ITPR1: variants seen among roughly 807,000 people sequenced by gnomAD.
The protein encoded by ITPR1 is inositol 1,4,5-trisphosphate-gated calcium channel ITPR1.
In ITPR1, 96 loss-of-function variants were observed where a neutral mutation model predicts 318.4. The observed-to-expected ratio is 0.30, with a 90% confidence interval of 0.26 to 0.36. The LOEUF is 0.36. Among genes scored for constraint, ITPR1 ranks in the 10% least tolerant of loss-of-function variants. The pLI is 1.00. For synonymous variants in ITPR1, 1,312 were observed against 1,289.9 expected, an observed-to-expected ratio of 1.02 and a Z score of -0.37; for missense variants, 2,440 against 3,460.2, an observed-to-expected ratio of 0.71 and a Z score of 7.40.
At chr3:4,603,190 G>GT (rs79661664) in intron 4 of ITPR1, among the ~76,000 whole-genome samples, 41 of 151,470 alleles carry the variant, frequency 2.7e-4, no homozygotes, top group African/African-American at 7.0e-4. Flanking sequence ...TTTTTATTTT[G>GT]TTTTTTTTAC....
intron 51 of ITPR1, among the ~76,000 whole-genome samples, chr3:4,787,559 G>A (rs939521141): frequency 1.4e-5 from 2 of 147,470 alleles, no homozygotes; most frequent in Admixed American, 6.8e-5. Flanking sequence ...AAAGCCAGGC[G>A]TGAAGGTGCG....
rs1283485332 is a variant in ITPR1, at chr3:4,639,467, C to A, written c.363C>A (p.Ile121=). 9 of 1,573,686 alleles carry A rather than the reference C, an allele frequency of 5.7e-6. No homozygotes were observed. The highest frequency in any genetic ancestry group is 1.4e-5 in the African/African-American group (1 of 73,992). The change falls in exon 6 of 62, where the codon ATC becomes ATA. Residue 121 remains isoleucine (I), a synonymous_variant. Coordinates refer to ENST00000649015, the MANE Select transcript of ITPR1 (RefSeq NM_001378452.1). The part of the protein sequence containing the change: ...LGTVIQYGNV[I]QLLHLKSNKY... The stretch of plus-strand genomic sequence containing the variant: ...CCGTAATCCAGTATGGCAATGTGAT[C>A]CAGGTAGGTCAAGGCAGCTCTTCCC...
intron 60 of ITPR1, among the ~76,000 whole-genome samples, chr3:4,823,159 G>A (rs1480109084): frequency 6.6e-6 from 1 of 152,172 alleles, no homozygotes; most frequent in South Asian, 2.1e-4. Context: ...TGAATAAGTG[G>A]TGAATTCATT....
At chr3:4,660,110 A>G (rs754048100) in intron 13 of ITPR1, among the ~76,000 whole-genome samples, 3 of 152,162 alleles carry the variant, frequency 2.0e-5, no homozygotes, top group Non-Finnish European at 4.4e-5. Context: ...GCTCTCACCA[A>G]CCATACATAG....
chr3:4,708,891 C>T (rs1382740592), intron 37 of ITPR1, among the ~76,000 whole-genome samples: 2 of 152,218 alleles, frequency 1.3e-5, no homozygotes, highest in Non-Finnish European at 2.9e-5. Context: ...TTAATGCTAG[C>T]ATCTTTCCCC....
In ITPR1 at chr3:4,608,950, C is replaced by T. The variant is rs141165829; in HGVS notation, c.164-18813C>T. Among the ~76,000 whole-genome samples, 1,162 of 141,084 alleles carry T rather than the reference C, an allele frequency of 8.2e-3. 7 individuals carry two copies. Among genetic ancestry groups the T allele is most frequent in the South Asian group, 0.013 (59 of 4,422 alleles). 92.6% of individuals were successfully genotyped at this position (141,084 alleles called of 152,430 possible). A position where few individuals can be genotyped will look rare whatever the true frequency, so the allele number is the denominator to read the frequency against. On this transcript the variant is annotated intron_variant, in intron 4 of 61. Coordinates refer to ENST00000649015, the MANE Select transcript of ITPR1 (RefSeq NM_001378452.1). ...CCTGGAGGTAGAGGTTGCAGTGAGC[C>T]GAGATCACGCACTGCACTCCAGCCT... is the stretch of plus-strand genomic sequence containing the variant.
chr3:4,627,386 C>T (rs998544803), intron 4 of ITPR1, among the ~76,000 whole-genome samples: 3 of 152,110 alleles, frequency 2.0e-5, no homozygotes, highest in Non-Finnish European at 4.4e-5. Flanking sequence ...GTCACTGGAA[C>T]CCAGGAGGCG....
At chr3:4,612,220 C>A (rs1247829804) in intron 4 of ITPR1, among the ~76,000 whole-genome samples, 1 of 151,976 alleles carries the variant, frequency 6.6e-6, no homozygotes, top group African/African-American at 2.4e-5. Flanking sequence ...CACCACCACG[C>A]CTGGCTAATT....
chr3:4,684,999 A>T (rs2094366391), intron 29 of ITPR1, 70 bp from the exon 30 acceptor site: 3 of 1,511,570 alleles, frequency 2.0e-6, no homozygotes, highest in African/African-American at 1.4e-5. Context: ...CCTGCCCGCC[A>T]CCACCCTCTG....
intron 24 of ITPR1, among the ~76,000 whole-genome samples, chr3:4,679,287 T>C (rs1386414945): frequency 2.0e-5 from 3 of 152,162 alleles, no homozygotes; most frequent in Non-Finnish European, 4.4e-5. Flanking sequence ...TACATACAGA[T>C]AGACAAGAGG....
Position 4,520,983 on chromosome 3 carries a change from T to G in ITPR1, c.93-41T>G, listed in dbSNP as rs1038639. Reference sequence around the variant, plus strand: ...TTTTGCATAGTGCTAAGAGTTTCATTTTCATACACTTGACAGAGCATTTAT... The same window carrying G: ...TTTTGCATAGTGCTAAGAGTTTCATGTTCATACACTTGACAGAGCATTTAT... On this transcript the variant is annotated intron_variant, in intron 3 of 61. Coordinates refer to ENST00000649015, the MANE Select transcript of ITPR1 (RefSeq NM_001378452.1). 815,521 of 1,475,666 alleles carry G rather than the reference T, an allele frequency of 0.55. 235,417 individuals are homozygous for G. Among genetic ancestry groups the G allele is most frequent in the South Asian group, 0.72 (63,502 of 88,108 alleles). The allele number at this position is 1,475,666 out of a possible 1,614,324, so 91.4% of individuals were successfully genotyped here. A position where few individuals can be genotyped will look rare whatever the true frequency, so the allele number is the denominator to read the frequency against.
intron 44 of ITPR1, among the ~76,000 whole-genome samples, chr3:4,738,588 G>C (rs1224259516): frequency 1.3e-5 from 2 of 152,206 alleles, no homozygotes; most frequent in Non-Finnish European, 2.9e-5. Flanking sequence ...GTGGGGCTGA[G>C]GGCCGCCAGC....
At chr3:4,703,816 A>G (rs2094703492) in intron 36 of ITPR1, among the ~76,000 whole-genome samples, 1 of 152,130 alleles carries the variant, frequency 6.6e-6, no homozygotes, top group Non-Finnish European at 1.5e-5. Flanking sequence ...GTAGGTGTTG[A>G]TGTCTTTTTA....
intron 30 of ITPR1, among the ~76,000 whole-genome samples, chr3:4,685,462 C>A (rs967385602): frequency 5.3e-5 from 8 of 152,246 alleles, no homozygotes; most frequent in Non-Finnish European, 1.2e-4. Flanking sequence ...ACTCCCAAGA[C>A]ATATTGGATA....
Position 4,665,082 on chromosome 3 carries a change from G to T in ITPR1, c.1555-56G>T, listed in dbSNP as rs1338303146. 10 of 1,585,280 alleles carry T rather than the reference G, an allele frequency of 6.3e-6. No individual in the cohort carries two copies. In the Middle Eastern group the frequency reaches 5.3e-4, roughly 84 times the overall value. ...GAGCTTGCATTACTTCCAAACAGAG[G>T]GTTAGCTTTGAAGCCCTAAGTGATT... is the stretch of plus-strand genomic sequence containing the variant. On this transcript the variant is annotated intron_variant, in intron 16 of 61. Coordinates refer to ENST00000649015, the MANE Select transcript of ITPR1 (RefSeq NM_001378452.1).
intron 39 of ITPR1, 114 bp downstream of exon 39, chr3:4,711,982 AAAAGAAAG>A (rs528816144): frequency 5.7e-6 from 3 of 527,020 alleles, no homozygotes; most frequent in Non-Finnish European, 6.8e-6. Context: ...AGCTTTTTTT[AAAAGAAAG>A]AAAGAAAGAA....
intron 4 of ITPR1, among the ~76,000 whole-genome samples, chr3:4,533,292 C>T (rs1209758884): frequency 6.6e-6 from 1 of 152,144 alleles, no homozygotes; most frequent in Non-Finnish European, 1.5e-5. Flanking sequence ...GGTAAGATGT[C>T]CTGGGGAGAC....
intron 8 of ITPR1, among the ~76,000 whole-genome samples, chr3:4,645,014 T>C (rs937627551): frequency 6.6e-6 from 1 of 152,264 alleles, no homozygotes; most frequent in Non-Finnish European, 1.5e-5. Flanking sequence ...GTGTATACAC[T>C]GGACTCATTT....
intron 61 of ITPR1, among the ~76,000 whole-genome samples, chr3:4,842,200 T>C (rs1290083083): frequency 6.6e-6 from 1 of 152,276 alleles, no homozygotes; most frequent in Non-Finnish European, 1.5e-5. Context: ...TGTCTGGCTG[T>C]ATCTGACTTG....
Sources: gnomAD v4.1 joint callset for allele counts (sites outside exome capture counted in the v4.1 genomes callset) on GRCh38, gnomAD v4.1.1 for gene constraint, MANE v1.5 for transcripts, NCBI Gene and HGNC (gene_info 2026-07-23, HGNC 2026-07-21) for gene names.